EHBP1: variants seen among roughly 807,000 people sequenced by gnomAD.
EHBP1 encodes the protein EH domain-binding protein 1.
A neutral mutation model predicts 144.0 loss-of-function variants in EHBP1; 55 were observed. The ratio of observed to expected loss-of-function variants is 0.38; its 90% CI spans 0.31 to 0.48. The LOEUF (loss-of-function observed/expected upper bound fraction) is 0.48. Ranked by LOEUF, EHBP1 falls within the 20% of genes least tolerant of loss-of-function variation. EHBP1 has a pLI of 0.98. For synonymous variants in EHBP1, 469 were observed against 472.7 expected, an observed-to-expected ratio of 0.99 and a Z score of 0.10; for missense variants, 1,200 against 1,364.2, an observed-to-expected ratio of 0.88 and a Z score of 1.90.
intron 7 of EHBP1, among the ~76,000 whole-genome samples, chr2:62,836,544 C>A (rs1233710463): frequency 7.2e-6 from 1 of 138,228 alleles, no homozygotes; most frequent in Admixed American, 7.4e-5. Context: ...TTACTCTGAG[C>A]TACGGGAGGA....
intron 10 of EHBP1, among the ~76,000 whole-genome samples, chr2:62,926,424 A>G (rs934340855): frequency 2.6e-5 from 4 of 152,192 alleles, no homozygotes; most frequent in African/African-American, 9.6e-5. Flanking sequence ...AATATTTGCA[A>G]ACTACTCATT....
intron 9 of EHBP1, among the ~76,000 whole-genome samples, chr2:62,874,020 T>TA (rs775144037): frequency 2.9e-4 from 44 of 152,156 alleles, no homozygotes; most frequent in Non-Finnish European, 1.0e-4. Flanking sequence ...TTTTACATCT[T>TA]ACTTCCTTTT....
chr2:62,715,698 G>A (rs1422922233), intron 2 of EHBP1, among the ~76,000 whole-genome samples: 1 of 152,102 alleles, frequency 6.6e-6, no homozygotes, highest in African/African-American at 2.4e-5. Flanking sequence ...GGACCCAGAA[G>A]GAATGACGAT....
At chr2:62,794,448 AT>A (rs2043397145) in intron 5 of EHBP1, among the ~76,000 whole-genome samples, 3 of 152,094 alleles carry the variant, frequency 2.0e-5, no homozygotes, top group African/African-American at 7.2e-5. Flanking sequence ...GTATTCATAT[AT>A]TAAGTAAACT....
At chr2:62,878,245 AC>A (rs1436509585) in intron 10 of EHBP1, among the ~76,000 whole-genome samples, 2 of 152,182 alleles carry the variant, frequency 1.3e-5, no homozygotes, top group East Asian at 3.9e-4. Flanking sequence ...TGGAAACACA[AC>A]CTCCCAAGAC....
chr2:62,734,012 GTTGATT>G (rs2037865769), intron 2 of EHBP1, among the ~76,000 whole-genome samples: 1 of 152,170 alleles, frequency 6.6e-6, no homozygotes. Context: ...TCTAAGAAGA[GTTGATT>G]TTCAGTTTGT....
At chr2:62,895,278 T>TATCATCATCATCATCATCATCATC in intron 10 of EHBP1, among the ~76,000 whole-genome samples, 1 of 149,802 alleles carries the variant, frequency 6.7e-6, no homozygotes, top group South Asian at 2.1e-4. Flanking sequence ...ATGTAAATTC[T>TATCATCATCATCATCATCATCATC]ATCATCATCA....
intron 19 of EHBP1, among the ~76,000 whole-genome samples, chr2:63,009,369 C>T (rs2153233316): frequency 6.6e-6 from 1 of 151,608 alleles, no homozygotes; most frequent in South Asian, 2.1e-4. Flanking sequence ...TGAAACTTTT[C>T]TTAGCTGAAC....
chr2:62,931,777 T>C (rs1048691747), intron 10 of EHBP1, among the ~76,000 whole-genome samples: 2 of 152,208 alleles, frequency 1.3e-5, no homozygotes, highest in African/African-American at 2.4e-5. Flanking sequence ...GTTAGTCACT[T>C]AGTAGTGGCT....
intron 7 of EHBP1, among the ~76,000 whole-genome samples, chr2:62,839,595 A>G (rs1215543651): frequency 1.3e-5 from 2 of 150,286 alleles, no homozygotes; most frequent in Non-Finnish European, 3.0e-5. Flanking sequence ...AGAAAACCCC[A>G]TCGTCTCAGC....
chr2:62,756,423 T>G (rs1403214795), intron 3 of EHBP1, among the ~76,000 whole-genome samples: 1 of 152,226 alleles, frequency 6.6e-6, no homozygotes. Flanking sequence ...GAAACACAGA[T>G]GTACTTCTTG....
chr2:63,045,757 C>T lies in EHBP1; in HGVS notation c.*257C>T, dbSNP rs1039826150. The T allele has an allele frequency of 2.8e-5, 12 of 435,110 alleles. No individual in the cohort carries two copies. The highest frequency in any genetic ancestry group is 2.2e-4 in the African/African-American group (11 of 49,914). 27.0% of individuals were successfully genotyped at this position (435,110 alleles called of 1,614,324 possible). On this transcript the variant is annotated 3_prime_UTR_variant, in exon 23 of 23. Transcript: ENST00000431489. This position sits in a 1 kb window ranked among gnomAD's most constrained non-coding sequence, Gnocchi z 5.7. ...ATCCTGTGAAATAGATTTGCACAGA[C>T]ACCTTGTGAGTGATTGGTATTGGAG... is the stretch of plus-strand genomic sequence containing the variant.
intron 14 of EHBP1, among the ~76,000 whole-genome samples, chr2:62,977,162 T>G (rs1008703711): frequency 3.3e-5 from 5 of 150,898 alleles, no homozygotes; most frequent in African/African-American, 1.2e-4. Flanking sequence ...AATTGATGAT[T>G]CCCCTAGACT....
chr2:62,958,813 T>G (rs2057850632), intron 14 of EHBP1, among the ~76,000 whole-genome samples: 1 of 152,180 alleles, frequency 6.6e-6, no homozygotes, highest in South Asian at 2.1e-4. Context: ...AACTAAAACA[T>G]TCTGAAAGAT....
intron 2 of EHBP1, among the ~76,000 whole-genome samples, chr2:62,725,370 A>G (rs531356758): frequency 6.6e-6 from 1 of 152,300 alleles, no homozygotes; most frequent in East Asian, 1.9e-4. Context: ...GCCTGCCTCC[A>G]AGCCAGTGTT....
intron 14 of EHBP1, among the ~76,000 whole-genome samples, chr2:62,963,456 G>A (rs879434011): frequency 7.9e-5 from 12 of 151,958 alleles, no homozygotes; most frequent in Non-Finnish European, 1.2e-4. Context: ...AACCTTTTCC[G>A]TAGTTTTCAT....
chr2:62,960,217 G>A (rs1260909401), intron 14 of EHBP1, among the ~76,000 whole-genome samples: 1 of 152,020 alleles, frequency 6.6e-6, no homozygotes, highest in Non-Finnish European at 1.5e-5. Flanking sequence ...ACTCAGCATG[G>A]CCTCATGTCC....
At chr2:62,801,833 C>G (rs1247083838) in intron 5 of EHBP1, among the ~76,000 whole-genome samples, 5 of 152,204 alleles carry the variant, frequency 3.3e-5, no homozygotes, top group Non-Finnish European at 5.9e-5. Flanking sequence ...TTTGTACATT[C>G]ATTCACCAAT....
At chr2:62,929,225 C>T (rs2055781868) in intron 10 of EHBP1, among the ~76,000 whole-genome samples, 1 of 152,160 alleles carries the variant, frequency 6.6e-6, no homozygotes. Flanking sequence ...CTCCTTACCT[C>T]ATTATTTGAG....
Sources: allele counts gnomAD v4.1 joint callset (sites outside exome capture counted in the v4.1 genomes callset), GRCh38; gene constraint gnomAD v4.1.1; non-coding constraint Gnocchi (gnomAD v3.1); transcripts MANE v1.5; gene names NCBI Gene and HGNC (gene_info 2026-07-23, HGNC 2026-07-21).